The following KIF21A variants were observed in gnomAD, a reference collection of about 807,000 sequenced individuals.
KIF21A encodes kinesin-like protein KIF21A.
Under a neutral mutation model 202.9 loss-of-function variants are expected in KIF21A, and 114 were observed. The ratio of observed to expected loss-of-function variants is 0.56; its 90% CI spans 0.48 to 0.66. The LOEUF (loss-of-function observed/expected upper bound fraction) is 0.66, where lower values mean the gene tolerates loss of function less well. Ranked by LOEUF, KIF21A falls within the 30% of genes least tolerant of loss-of-function variation. KIF21A has a pLI of 0.00. For synonymous variants in KIF21A, 667 were observed against 670.8 expected (o/e 0.99, Z 0.09); for missense variants, 1,677 against 1,994.9 (o/e 0.84, Z 3.04).
intron 11 of KIF21A, among the ~76,000 whole-genome samples, chr12:39,347,056 A>G (rs1224571562): frequency 6.6e-6 from 1 of 151,928 alleles, no homozygotes; most frequent in Non-Finnish European, 1.5e-5. Flanking sequence ...AAATCTAAAA[A>G]AAATCTGATT....
chr12:39,377,927 C>G (rs1471028733), intron 1 of KIF21A, among the ~76,000 whole-genome samples: 1 of 152,166 alleles, frequency 6.6e-6, no homozygotes, highest in Non-Finnish European at 1.5e-5. Context: ...ATTCTACTCT[C>G]TCATCTCTAT....
intron 11 of KIF21A, among the ~76,000 whole-genome samples, chr12:39,351,198 G>A (rs981726791): frequency 1.3e-5 from 2 of 152,070 alleles, no homozygotes; most frequent in African/African-American, 4.8e-5. Flanking sequence ...AGAAGAGAAA[G>A]CCCAGAACAG....
intron 10 of KIF21A, among the ~76,000 whole-genome samples, chr12:39,354,680 G>A (rs998162357): frequency 6.6e-6 from 1 of 152,140 alleles, no homozygotes; most frequent in Non-Finnish European, 1.5e-5. Context: ...TTAAAGAGCT[G>A]TGAATAAATG....
chr12:39,425,877 A>G (rs1347195445), intron 1 of KIF21A, among the ~76,000 whole-genome samples: 1 of 151,452 alleles, frequency 6.6e-6, no homozygotes, highest in East Asian at 1.9e-4. Flanking sequence ...CCGCTTCCTT[A>G]TAACAAGAGC....
intron 1 of KIF21A, among the ~76,000 whole-genome samples, chr12:39,434,651 T>C (rs1164786634): frequency 1.3e-5 from 2 of 152,176 alleles, no homozygotes; most frequent in African/African-American, 4.8e-5. Context: ...TTCAATTACT[T>C]TAATGCCTCC....
intron 1 of KIF21A, among the ~76,000 whole-genome samples, chr12:39,380,636 C>T (rs1353002645): frequency 2.0e-5 from 3 of 151,458 alleles, no homozygotes; most frequent in Non-Finnish European, 4.4e-5. Context: ...AGGAGAGGAC[C>T]GCTTGATCCC....
chr12:39,365,582 T>C (rs1949542231), intron 6 of KIF21A, among the ~76,000 whole-genome samples: 1 of 152,230 alleles, frequency 6.6e-6, no homozygotes, highest in Non-Finnish European at 1.5e-5. Context: ...TAATTCTTAA[T>C]ATAATCTAGA....
intron 6 of KIF21A, 33 bp downstream of exon 6, chr12:39,366,317 T>G: frequency 6.3e-7 from 1 of 1,583,772 alleles, no homozygotes; most frequent in Non-Finnish European, 8.7e-7. Context: ...AGAAAAGCTC[T>G]GATATATTCT....
chr12:39,360,608 G>A (rs906955383), intron 7 of KIF21A, among the ~76,000 whole-genome samples: 13 of 152,108 alleles, frequency 8.5e-5, no homozygotes, highest in Non-Finnish European at 1.6e-4. Flanking sequence ...GGCCAGGCTG[G>A]TCTTCAACTT....
At chr12:39,335,897 G>A (rs1035760106) in intron 17 of KIF21A, among the ~76,000 whole-genome samples, 3 of 152,024 alleles carry the variant, frequency 2.0e-5, no homozygotes, top group Admixed American at 6.6e-5. Flanking sequence ...CAAAATATCC[G>A]CTATCCACTT....
chr12:39,358,127 G>A (rs1948937367), intron 8 of KIF21A, 51 bp downstream of exon 8: 1 of 1,470,524 alleles, frequency 6.8e-7, no homozygotes, highest in African/African-American at 1.4e-5. Context: ...TGTTCAGAAA[G>A]TGCCAGCCTT....
rs182546769 is a variant in KIF21A, at chr12:39,426,602, G to A, written c.44+16325C>T. ...ATTTTGGAAATTAAGGCCGGGCACG[G>A]TGGCTCACGCCTGTAATCCCAGCAC... On this transcript the variant is annotated intron_variant, in intron 1 of 37. Transcript: ENST00000361418. 3.1e-4 allele frequency among the ~76,000 whole-genome samples: 47 copies of A among 152,164 alleles called. No individual in the cohort carries two copies. In the East Asian group the frequency reaches 5.4e-3, roughly 18 times the overall value.
intron 1 of KIF21A, among the ~76,000 whole-genome samples, chr12:39,441,832 T>G (rs1355803496): frequency 6.6e-6 from 1 of 152,114 alleles, no homozygotes; most frequent in African/African-American, 2.4e-5. Context: ...CTGGAAAGAC[T>G]ACAAGACTGG....
intron 7 of KIF21A, among the ~76,000 whole-genome samples, chr12:39,358,583 C>T (rs1948970451): frequency 6.6e-6 from 1 of 152,106 alleles, no homozygotes; most frequent in Admixed American, 6.5e-5. Flanking sequence ...CACCTTTGAC[C>T]TTGAGAAAGT....
intron 9 of KIF21A, 110 bp downstream of exon 9, chr12:39,357,138 C>A: frequency 1.0e-6 from 1 of 953,572 alleles, no homozygotes; most frequent in Non-Finnish European, 1.7e-6. Flanking sequence ...AGACTGTATA[C>A]ACAGAGACTG....
In KIF21A at chr12:39,309,709, C is replaced by A. The variant is rs769466593; in HGVS notation, c.4154G>T (p.Gly1385Val). 1.2e-6 allele frequency: 2 copies of A among 1,612,674 alleles called. No homozygotes were observed. The highest frequency in any genetic ancestry group is 1.7e-6 in the Non-Finnish European group (2 of 1,179,236). ...VTGQEIMSLG[G>V]HPNNVVSVKY... ...TACAGACACGACATTGTTGGGATGA[C>A]CCCCCAGTGACATTATTTCCTGCCC... is the stretch of plus-strand genomic sequence containing the variant. The change falls in exon 33 of 38, where the codon GGT becomes GTT. Residue 1385 changes from glycine (G) to valine (V), a missense_variant. Physicochemically the swap from Gly to Val is moderately radical, Grantham distance 109. Coordinates refer to ENST00000361418, the MANE Select transcript of KIF21A (RefSeq NM_001173464.2).
At chr12:39,314,604 ATCT>A (rs1944337692) in intron 31 of KIF21A, among the ~76,000 whole-genome samples, 1 of 151,882 alleles carries the variant, frequency 6.6e-6, no homozygotes, top group Admixed American at 6.6e-5. Context: ...TTAATAACAA[ATCT>A]TCTTAAGAAA....
At chr12:39,381,838 G>A (rs1303728735) in intron 1 of KIF21A, among the ~76,000 whole-genome samples, 2 of 152,158 alleles carry the variant, frequency 1.3e-5, no homozygotes, top group East Asian at 3.9e-4. Context: ...CATCCTGGGT[G>A]GGCCTGATCT....
chr12:39,430,780 G>A (rs998194331), intron 1 of KIF21A, among the ~76,000 whole-genome samples: 5 of 151,950 alleles, frequency 3.3e-5, no homozygotes, highest in African/African-American at 1.2e-4. Flanking sequence ...TGTTGTTTGA[G>A]GGTAGGGCCT....
Sources: allele counts gnomAD v4.1 joint callset (sites outside exome capture counted in the v4.1 genomes callset), GRCh38; gene constraint gnomAD v4.1.1; transcripts MANE v1.5; gene names NCBI Gene and HGNC (gene_info 2026-07-23, HGNC 2026-07-21).